The following PAXIP1 variants were observed in gnomAD, a reference collection of about 807,000 sequenced individuals.
PAXIP1 encodes the protein PAX-interacting protein 1.
Under a neutral mutation model 140.6 loss-of-function variants are expected in PAXIP1, and 19 were observed. That is an observed-to-expected ratio of 0.14 (90% confidence interval 0.09 to 0.20). PAXIP1 has a LOEUF of 0.20. PAXIP1 is among the 10% of genes least tolerant of loss of function. The probability of loss-of-function intolerance (pLI) is 1.00; values close to 1 mark genes in which losing one functional copy is unlikely to be tolerated. For missense variants in PAXIP1, 920 were observed against 1,208.6 expected, an observed-to-expected ratio of 0.76 and a Z score of 3.54; for synonymous variants, 442 against 444.6, an observed-to-expected ratio of 0.99 and a Z score of 0.07.
rs1305222174 is a variant in PAXIP1, at chr7:154,956,686, T to C, written c.2549+538A>G. 3 of 152,636 alleles carry C rather than the reference T, an allele frequency of 2.0e-5. No individual in the cohort carries two copies. Among genetic ancestry groups the C allele is most frequent in the Non-Finnish European group, 2.9e-5 (2 of 68,418 alleles). The allele number at this position is 152,636 out of a possible 1,614,324, so 9.5% of individuals were successfully genotyped here. ...TCCTTCCAAAGGCTTTGGGTCTGGA[T>C]CCTCCTTCCCACCGTGGCCAACATT... is the stretch of plus-strand genomic sequence containing the variant. On this transcript the variant is annotated intron_variant, in intron 14 of 20. Coordinates refer to ENST00000404141, the MANE Select transcript of PAXIP1 (RefSeq NM_007349.4). This position sits in a 1 kb window ranked among gnomAD's most constrained non-coding sequence, Gnocchi z 4.2.
intron 4 of PAXIP1, among the ~76,000 whole-genome samples, chr7:154,985,450 G>A (rs997369111): frequency 3.3e-5 from 5 of 152,004 alleles, no homozygotes; most frequent in African/African-American, 7.2e-5. Context: ...TGCACCTGCC[G>A]TCCTCACCAC....
At chr7:154,998,254 C>G (rs1448897989) in intron 2 of PAXIP1, among the ~76,000 whole-genome samples, 1 of 152,148 alleles carries the variant, frequency 6.6e-6, no homozygotes, top group African/African-American at 2.4e-5. Context: ...ATGCCTGTAA[C>G]CCCAGCACTT....
At chr7:155,000,716 C>T (rs907625088) in intron 1 of PAXIP1, 3 of 152,240 alleles carry the variant, frequency 2.0e-5, no homozygotes, top group Non-Finnish European at 4.4e-5. Context: ...CTTCAATCTC[C>T]ACACTACTGA....
At position 154,959,802 on chromosome 7, in the gene PAXIP1, A is replaced by G. The variant is rs909717920; in HGVS notation, c.2478+88T>C. 5.4e-5 allele frequency: 47 copies of G among 870,590 alleles called. No individual in the cohort carries two copies. The African/African-American group carries it at 5.8e-4, about 11-fold the overall frequency. The allele number at this position is 870,590 out of a possible 1,614,324, so 53.9% of individuals were successfully genotyped here. A position where few individuals can be genotyped will look rare whatever the true frequency, so the allele number is the denominator to read the frequency against. ...GTTATCATGTTGACAAGTTACTAAA[A>G]TAATTTTTAATTTATGAAGACAAAT... On this transcript the variant is annotated intron_variant, in intron 13 of 20. Transcript: ENST00000404141.
intron 16 of PAXIP1, among the ~76,000 whole-genome samples, chr7:154,952,475 G>T (rs1235326882): frequency 6.6e-6 from 1 of 152,186 alleles, no homozygotes; most frequent in African/African-American, 2.4e-5. Context: ...TGATTTTGCT[G>T]TTTAAAATGT....
intron 3 of PAXIP1, among the ~76,000 whole-genome samples, chr7:154,993,060 T>TG (rs1810421840): frequency 6.6e-6 from 1 of 152,186 alleles, no homozygotes. Context: ...AAGTTACACT[T>TG]GAAGTAACAG....
chr7:154,960,520 A>T (rs1181043258), intron 12 of PAXIP1, among the ~76,000 whole-genome samples: 1 of 152,172 alleles, frequency 6.6e-6, no homozygotes, highest in Non-Finnish European at 1.5e-5. Flanking sequence ...GTTCATCAAA[A>T]GCAAACAAAA....
chr7:154,986,330 A>G lies in PAXIP1; in HGVS notation c.325-2998T>C, dbSNP rs575142199. ...GTGCAGATCCCTCTGACAGTCTCCAATCAGTTAGGACTAACCACTGTGAGC... is the reference window on the plus strand; with the variant it reads ...GTGCAGATCCCTCTGACAGTCTCCAGTCAGTTAGGACTAACCACTGTGAGC... On this transcript the variant is annotated intron_variant, in intron 4 of 20. Transcript: ENST00000404141. This position sits in a 1 kb window ranked among gnomAD's most constrained non-coding sequence, Gnocchi z 4.8. The G allele has an allele frequency of 7.5e-6, 3 of 398,408 alleles. No homozygotes were observed. Among genetic ancestry groups the G allele is most frequent in the South Asian group, 6.1e-5 (3 of 49,224 alleles). 24.7% of individuals were successfully genotyped at this position (398,408 alleles called of 1,614,324 possible).
chr7:154,965,828 G>C, intron 8 of PAXIP1: 1 of 152,326 alleles, frequency 6.6e-6, no homozygotes, highest in East Asian at 1.9e-4. Flanking sequence ...GTGATGTACA[G>C]ATCTCTGATT....
At chr7:154,945,575 T>G in intron 20 of PAXIP1, 1 of 985,244 alleles carries the variant, frequency 1.0e-6, no homozygotes. Context: ...TCCACTGAGG[T>G]TGACACTGGT....
chr7:155,002,113 G>C (rs1004259886), intron 1 of PAXIP1: 2 of 152,252 alleles, frequency 1.3e-5, no homozygotes, highest in African/African-American at 4.8e-5. Context: ...ATAACTGTGT[G>C]ACATCAAACA....
At chr7:154,953,122 T>G (rs1273737886) in intron 16 of PAXIP1, among the ~76,000 whole-genome samples, 2 of 151,542 alleles carry the variant, frequency 1.3e-5, no homozygotes, top group Non-Finnish European at 1.5e-5. Context: ...TTGTGTCTGT[T>G]AAGTGATAAA....
In PAXIP1 at chr7:154,995,300, C is replaced by G; in HGVS notation, c.217-1531G>C. Among the ~76,000 whole-genome samples the G allele has an allele frequency of 2.0e-5, 3 of 152,320 alleles. No individual in the cohort carries two copies. In the South Asian group the frequency reaches 6.2e-4, roughly 32 times the overall value. On this transcript the variant is annotated intron_variant, in intron 2 of 20. Transcript: ENST00000404141. Reference sequence around the variant, plus strand: ...GGGCCAGTCTGGAAATGTTATCTATCACCTTACAACCATCCACACAGCATA... The same window carrying G: ...GGGCCAGTCTGGAAATGTTATCTATGACCTTACAACCATCCACACAGCATA...
Position 154,963,652 on chromosome 7 carries a change from C to T in PAXIP1, c.1989+19G>A, listed in dbSNP as rs745395490. 29 of 1,550,288 alleles carry T rather than the reference C, an allele frequency of 1.9e-5. No homozygotes were observed. Among genetic ancestry groups the T allele is most frequent in the African/African-American group, 2.7e-5 (2 of 73,684 alleles). On this transcript the variant is annotated intron_variant, in intron 9 of 20. Transcript: ENST00000404141. The surrounding 1 kb of genome is among the most constrained non-coding windows in gnomAD (Gnocchi z 4.1). ...TGCCAGACCTTGCTCCTGGTCGCAG[C>T]TAAGGCTATTTTCCTTACCTGTGCA...
At chr7:154,980,915 G>A (rs1280316205) in intron 5 of PAXIP1, among the ~76,000 whole-genome samples, 2 of 152,188 alleles carry the variant, frequency 1.3e-5, no homozygotes, top group East Asian at 3.8e-4. Flanking sequence ...GATCACTGGA[G>A]GTCAGGAGTT....
intron 8 of PAXIP1, chr7:154,964,504 A>G (rs931670309): frequency 1.1e-4 from 16 of 152,218 alleles, no homozygotes; most frequent in African/African-American, 3.9e-4. Flanking sequence ...CTAAGCATAA[A>G]TATAGTTTAA....
At chr7:154,945,522 G>A (rs1438805407) in intron 20 of PAXIP1, 3 of 985,292 alleles carry the variant, frequency 3.0e-6, no homozygotes, top group Non-Finnish European at 3.6e-6. Context: ...CCTTACTGAA[G>A]CAGTCCTATC....
intron 6 of PAXIP1, among the ~76,000 whole-genome samples, chr7:154,969,472 C>G (rs550706812): frequency 6.6e-6 from 1 of 152,248 alleles, no homozygotes; most frequent in Non-Finnish European, 1.5e-5. Flanking sequence ...AGCCTTGGTG[C>G]TCCCTGCACC....
intron 5 of PAXIP1, among the ~76,000 whole-genome samples, chr7:154,978,534 T>C (rs897693025): frequency 2.6e-5 from 4 of 152,202 alleles, no homozygotes; most frequent in Non-Finnish European, 4.4e-5. Context: ...AAATGTTATA[T>C]AGCTCTCCCC....
Sources: gnomAD v4.1 joint callset for allele counts (sites outside exome capture counted in the v4.1 genomes callset) on GRCh38, gnomAD v4.1.1 for gene constraint, Gnocchi (gnomAD v3.1) non-coding constraint, MANE v1.5 for transcripts, NCBI Gene and HGNC (gene_info 2026-07-23, HGNC 2026-07-21) for gene names.